Variants in ZNF593OS observed in about 807,000 individuals in gnomAD.
ZNF593OS encodes the protein ZNF593 opposite strand, also known as transmembrane protein ZNF593OS.
chr1:26,171,467 C>A lies in ZNF593OS; in HGVS notation c.46-132G>T. ...CCGGTCCTGCCCCAGGGAGATTCCA[C>A]CCCAATCCCTTTCGCCTCACTGCCC... On this transcript the variant is annotated intron_variant, in intron 1 of 1. Transcript: ENST00000648649. The surrounding 1 kb of genome is among the most constrained non-coding windows in gnomAD (Gnocchi z 5.5). 2.5e-6 allele frequency: 1 copy of A among 398,706 alleles called. No homozygotes were observed. The highest frequency in any genetic ancestry group is 4.4e-6 in the Non-Finnish European group (1 of 226,250). 24.7% of individuals were successfully genotyped at this position (398,706 alleles called of 1,614,324 possible).
At chr1:26,169,910 T>G (rs2088466677), downstream of ZNF593OS, 1 of 1,402,622 alleles carries the variant, frequency 7.1e-7, no homozygotes, top group Non-Finnish European at 9.3e-7. Context: ...ACGTAGCTGA[T>G]CGGCCCGGAA....
chr1:26,170,924 A>C, exon 2 of ZNF593OS: 2 of 655,376 alleles, frequency 3.1e-6, no homozygotes, highest in Non-Finnish European at 5.1e-6. Flanking sequence ...CCTGCCCTGG[A>C]AGGGCTTCTC....
At position 26,171,153 on chromosome 1, in the gene ZNF593OS, T is replaced by C; in HGVS notation, c.*36A>G. The C allele has an allele frequency of 2.4e-6, 1 of 409,494 alleles. No homozygotes were observed. Among genetic ancestry groups the C allele is most frequent in the Non-Finnish European group, 4.3e-6 (1 of 231,878 alleles). 25.4% of individuals were successfully genotyped at this position (409,494 alleles called of 1,614,324 possible). The stretch of plus-strand genomic sequence containing the variant: ...GATTGCACCCCCCTCCCGAGTCACC[T>C]ACCCCCAGCATCCAAGTGAGAGTCT... On this transcript the variant is annotated 3_prime_UTR_variant, in exon 2 of 2. Coordinates refer to ENST00000648649, the Ensembl canonical transcript of ZNF593OS. The surrounding 1 kb of genome is among the most constrained non-coding windows in gnomAD (Gnocchi z 5.5).
chr1:26,171,119 G>A lies in ZNF593OS; in HGVS notation c.*70C>T, dbSNP rs1460252435. The A allele has an allele frequency of 4.9e-6, 2 of 408,286 alleles. No individual in the cohort carries two copies. Among genetic ancestry groups the A allele is most frequent in the African/African-American group, 4.1e-5 (2 of 48,802 alleles). The allele number at this position is 408,286 out of a possible 1,614,324, so 25.3% of individuals were successfully genotyped here. On this transcript the variant is annotated 3_prime_UTR_variant, in exon 2 of 2. Coordinates refer to ENST00000648649, the Ensembl canonical transcript of ZNF593OS. This position sits in a 1 kb window ranked among gnomAD's most constrained non-coding sequence, Gnocchi z 5.5. ...ACAGAGACTGATCCCCAGAAAAGAA[G>A]GCTTCTGAGATTGCACCCCCCTCCC...
At chr1:26,170,673 CG>C in exon 2 of ZNF593OS, 1 of 1,610,696 alleles carries the variant, frequency 6.2e-7, no homozygotes, top group Non-Finnish European at 8.5e-7. Flanking sequence ...GCAGTGCCCA[CG>C]GAAGTGTCCA....
downstream of ZNF593OS, chr1:26,169,611 G>T: frequency 3.5e-6 from 1 of 284,684 alleles, no homozygotes; most frequent in Non-Finnish European, 6.5e-6. Flanking sequence ...CAAGGTCTGG[G>T]AAACAGGAAG....
At chr1:26,170,417 G>T (rs1459500631), downstream of ZNF593OS, 15 of 1,613,598 alleles carry the variant, frequency 9.3e-6, no homozygotes, top group Admixed American at 1.7e-5. Context: ...CATTCCTACA[G>T]GAGGTACTTC....
At chr1:26,170,532 T>G in exon 2 of ZNF593OS, 1 of 1,614,048 alleles carries the variant, frequency 6.2e-7, no homozygotes, top group Non-Finnish European at 8.5e-7. Flanking sequence ...CAGATAGGGC[T>G]CTCACCTGGT....
downstream of ZNF593OS, chr1:26,170,301 C>A: frequency 6.6e-7 from 1 of 1,522,070 alleles, no homozygotes; most frequent in Non-Finnish European, 8.9e-7. Context: ...GTGGGTCCGC[C>A]CGCCTCCCGT....
exon 2 of ZNF593OS, chr1:26,170,497 A>G: frequency 6.2e-7 from 1 of 1,614,152 alleles, no homozygotes; most frequent in Non-Finnish European, 8.5e-7. Context: ...AGGAGTAAGG[A>G]GAGGATTGAT....
rs1057252388 is a variant in ZNF593OS, at chr1:26,171,019, C to A, written c.*170G>T. On this transcript the variant is annotated 3_prime_UTR_variant, in exon 2 of 2. Transcript: ENST00000648649. The surrounding 1 kb of genome is among the most constrained non-coding windows in gnomAD (Gnocchi z 5.5). ...TCCCTCTGAGGTCCTAGCATCTGAACTGGAGCACCCAGATGGAGGCCTGAT... is the reference window on the plus strand; with the variant it reads ...TCCCTCTGAGGTCCTAGCATCTGAAATGGAGCACCCAGATGGAGGCCTGAT... 7 of 528,148 alleles carry A rather than the reference C, an allele frequency of 1.3e-5. No homozygotes were observed. The highest frequency in any genetic ancestry group is 2.3e-5 in the Non-Finnish European group (7 of 300,350). 32.7% of individuals were successfully genotyped at this position (528,148 alleles called of 1,614,324 possible).
At chr1:26,169,660 A>G (rs376671488), downstream of ZNF593OS, 19 of 434,876 alleles carry the variant, frequency 4.4e-5, no homozygotes, top group African/African-American at 3.3e-4. Flanking sequence ...TACTGGTTGG[A>G]CCAGGCCAGG....
downstream of ZNF593OS, chr1:26,170,158 G>C (rs1156552402): frequency 1.3e-6 from 2 of 1,571,588 alleles, no homozygotes; most frequent in Non-Finnish European, 1.7e-6. Context: ...GCCAGGGGGC[G>C]GTCTGCACCG....
rs142333554 is a variant in ZNF593OS, at chr1:26,171,301, C to G, written c.80G>C (p.Arg27Pro). 2.1e-3 allele frequency: 852 copies of G among 401,498 alleles called. 4 individuals carry two copies. Among genetic ancestry groups the G allele is most frequent in the African/African-American group, 0.014 (670 of 48,768 alleles). 24.9% of individuals were successfully genotyped at this position (401,498 alleles called of 1,614,324 possible). Residue 27 changes from arginine to proline, a missense_variant, in exon 2 of 2, where the codon CGG (arginine) becomes CCG (proline). Transcript: ENST00000648649. The surrounding 1 kb of genome is among the most constrained non-coding windows in gnomAD (Gnocchi z 5.5). ...AGCCACAACTCCTGCCAGCAGACTC[C>G]GGGGCTCTGCCTTCAGCTCACCAGC...
rs1010660135 is a variant in ZNF593OS at position 26,171,514 on chromosome 1, C to T, written c.45+103G>A. ...GCCCATCTGGGCCTGCCTGCTCAGG[C>T]GGCAGGGAACGTGACAGCCTGGCTG... On this transcript the variant is annotated intron_variant, in intron 1 of 1. Coordinates refer to ENST00000648649, the Ensembl canonical transcript of ZNF593OS. This position sits in a 1 kb window ranked among gnomAD's most constrained non-coding sequence, Gnocchi z 5.5. 2.8e-5 allele frequency: 11 copies of T among 398,430 alleles called. No homozygotes were observed. The highest frequency in any genetic ancestry group is 2.2e-5 in the Non-Finnish European group (5 of 226,104). The allele number at this position is 398,430 out of a possible 1,614,324, so 24.7% of individuals were successfully genotyped here. A position where few individuals can be genotyped will look rare whatever the true frequency, so the allele number is the denominator to read the frequency against.
chr1:26,170,165 A>G (rs1368779239), downstream of ZNF593OS: 4 of 1,570,892 alleles, frequency 2.5e-6, no homozygotes, highest in African/African-American at 2.7e-5. Context: ...GGCGGTCTGC[A>G]CCGCTGTCTG....
At chr1:26,170,873 A>T (rs2232657) in exon 2 of ZNF593OS, 2 of 938,132 alleles carry the variant, frequency 2.1e-6, no homozygotes, top group Non-Finnish European at 3.1e-6. Flanking sequence ...GACAAAGAGA[A>T]CTTGCCTCCA....
At chr1:26,170,279 C>G, downstream of ZNF593OS, 2 of 1,540,970 alleles carry the variant, frequency 1.3e-6, no homozygotes, top group Middle Eastern at 2.3e-4. Context: ...AGAGTCTTCT[C>G]TCTTGGGACC....
At chr1:26,170,130 C>A, downstream of ZNF593OS, 1 of 1,571,544 alleles carries the variant, frequency 6.4e-7, no homozygotes, top group Non-Finnish European at 8.6e-7. Context: ...ACCCAAACGC[C>A]GAGTTCGACC....
Sources: allele counts gnomAD v4.1 joint callset, GRCh38; gene constraint gnomAD v4.1.1; non-coding constraint Gnocchi (gnomAD v3.1); transcripts MANE v1.5; gene names NCBI Gene and HGNC (gene_info 2026-07-23, HGNC 2026-07-21).